The following DNAJC2 variants were observed in gnomAD, a reference collection of about 807,000 sequenced individuals.
The protein encoded by DNAJC2 is DnaJ heat shock protein family (Hsp40) member C2.
A neutral mutation model predicts 94.0 loss-of-function variants in DNAJC2; 32 were observed. The observed-to-expected ratio is 0.34, with a 90% CI of 0.26 to 0.46. DNAJC2 has a LOEUF of 0.46. DNAJC2 is among the 20% of genes least tolerant of loss of function. DNAJC2 has a pLI of 1.00. For missense variants in DNAJC2, 550 were observed against 719.5 expected (o/e 0.76, Z 2.69); for synonymous variants, 210 against 229.7 (o/e 0.91, Z 0.77).
At position 103,312,431 on chromosome 7, in the gene DNAJC2, A is replaced by G. The variant is rs896759899; in HGVS notation, c.*138T>C. On this transcript the variant is annotated 3_prime_UTR_variant, in exon 17 of 17. Coordinates refer to ENST00000379263, the MANE Select transcript of DNAJC2 (RefSeq NM_014377.3). ...CCCCTCTGAAGGTTGTTTTGTATTA[A>G]TGGTCAGTCTTTGTTCTCTGAGAAA... 17 of 1,513,034 alleles carry G rather than the reference A, an allele frequency of 1.1e-5. No homozygotes were observed. The African/African-American group carries it at 2.0e-4, about 18-fold the overall frequency. The allele number at this position is 1,513,034 out of a possible 1,614,324, so 93.7% of individuals were successfully genotyped here. A position where few individuals can be genotyped will look rare whatever the true frequency, so the allele number is the denominator to read the frequency against.
At chr7:103,331,883 G>A (rs1034688804) in intron 3 of DNAJC2, among the ~76,000 whole-genome samples, 5 of 152,138 alleles carry the variant, frequency 3.3e-5, no homozygotes, top group African/African-American at 1.2e-4. Flanking sequence ...TAGTGGGAAC[G>A]CTGGGCTATA....
chr7:103,322,933 A>AT (rs375301640), intron 7 of DNAJC2, 139 bp from the exon 8 acceptor site: 40,945 of 553,422 alleles, frequency 0.074, no homozygotes, highest in East Asian at 0.09. Flanking sequence ...TTAAACAATG[A>AT]TTTTTTTTTT....
intron 1 of DNAJC2, among the ~76,000 whole-genome samples, chr7:103,342,386 G>A (rs1375567927): frequency 2.0e-5 from 3 of 150,378 alleles, no homozygotes; most frequent in East Asian, 2.0e-4. Context: ...GCTCAATGCC[G>A]TCTCCACCTC....
chr7:103,332,645 G>A (rs1819021755), intron 3 of DNAJC2, among the ~76,000 whole-genome samples: 1 of 151,590 alleles, frequency 6.6e-6, no homozygotes, highest in African/African-American at 2.4e-5. Context: ...GCGGGGGAGG[G>A]GATGGGGACA....
chr7:103,334,360 G>A (rs1819085283), intron 3 of DNAJC2, among the ~76,000 whole-genome samples: 1 of 151,362 alleles, frequency 6.6e-6, no homozygotes, highest in African/African-American at 2.4e-5. Context: ...TCAGGAGTTC[G>A]AGACCAGCCT....
In DNAJC2 at chr7:103,338,209, G is replaced by T. The variant is rs190093250; in HGVS notation, c.256-398C>A. ...TACTTGAGTCTAGTAAGTAGAGGCT[G>T]CAGTGAGCTGTGATCATGCCACTGC... On this transcript the variant is annotated intron_variant, in intron 2 of 16. Transcript: ENST00000379263. Among the ~76,000 whole-genome samples, 194 of 151,790 alleles carry T rather than the reference G, an allele frequency of 1.3e-3. 3 individuals are homozygous for T. The highest frequency in any genetic ancestry group is 7.0e-3 in the Admixed American group (106 of 15,248).
At chr7:103,322,362 T>C (rs1038625938) in intron 9 of DNAJC2, 149 bp downstream of exon 9, 1 of 896,710 alleles carries the variant, frequency 1.1e-6, no homozygotes. Flanking sequence ...GATCTCTCAA[T>C]TATACCAACT....
At chr7:103,337,588 C>T (rs770656336) in intron 3 of DNAJC2, 148 bp downstream of exon 3, 75 of 596,128 alleles carry the variant, frequency 1.3e-4, no homozygotes, top group Non-Finnish European at 2.0e-4. Context: ...CAGGGGAGAC[C>T]GTGGTTTTTT....
rs1360389913 is a variant in DNAJC2 at position 103,327,712 on chromosome 7, G to A, written c.374C>T (p.Ala125Val). ...VLKHHPDKRK[A>V]AGEPIKEGDN... ...TCCTTCTTTTATTGGTTCACCAGCT[G>A]CTTTCCGTTTGTCTGGGTGATGTTT... The change falls in exon 4 of 17, where the codon GCA (alanine) becomes GTA (valine). Residue 125 changes from alanine to valine, a missense_variant. Physicochemically the swap from Ala to Val is moderately conservative, Grantham distance 64 (BLOSUM62 0). Transcript: ENST00000379263. 1 of 1,613,372 alleles carries A rather than the reference G, an allele frequency of 6.2e-7. No individual in the cohort carries two copies. The highest frequency in any genetic ancestry group is 1.3e-5 in the African/African-American group (1 of 74,868).
chr7:103,331,504 C>G (rs547551193), intron 3 of DNAJC2, among the ~76,000 whole-genome samples: 13 of 152,104 alleles, frequency 8.5e-5, no homozygotes, highest in Non-Finnish European at 1.9e-4. Context: ...CTCTTTATCC[C>G]TCTCCTCCCA....
chr7:103,316,156 A>G, intron 13 of DNAJC2, 68 bp from the exon 14 acceptor site: 2 of 1,020,248 alleles, frequency 2.0e-6, no homozygotes, highest in Middle Eastern at 3.2e-4. Context: ...GACAAAAACC[A>G]TTAGATTTTT....
At chr7:103,317,095 G>A in intron 12 of DNAJC2, 81 bp from the exon 13 acceptor site, 3 of 1,221,384 alleles carry the variant, frequency 2.5e-6, no homozygotes, top group Non-Finnish European at 2.3e-6. Context: ...GGGCTTTGTG[G>A]TCCTCAACTC....
intron 3 of DNAJC2, 71 bp from the exon 4 acceptor site, chr7:103,327,825 C>T: frequency 7.7e-6 from 7 of 904,788 alleles, no homozygotes; most frequent in Non-Finnish European, 1.0e-5. Context: ...TACATGTAGA[C>T]CATTTCTAAA....
intron 3 of DNAJC2, among the ~76,000 whole-genome samples, chr7:103,331,911 AT>A (rs1487500287): frequency 1.3e-5 from 2 of 152,058 alleles, no homozygotes; most frequent in Non-Finnish European, 2.9e-5. Flanking sequence ...TCTATTTTTA[AT>A]TTTTTGAGAA....
chr7:103,326,036 T>C (rs928660484), intron 5 of DNAJC2, among the ~76,000 whole-genome samples: 2 of 152,042 alleles, frequency 1.3e-5, no homozygotes, highest in African/African-American at 4.8e-5. Context: ...CTCAGTGTAG[T>C]GGCATGACCT....
chr7:103,338,590 C>T (rs1819263757), intron 2 of DNAJC2, among the ~76,000 whole-genome samples: 1 of 151,936 alleles, frequency 6.6e-6, no homozygotes, highest in Admixed American at 6.6e-5. Flanking sequence ...TGAGCCACTG[C>T]ACCCGGCCAA....
At chr7:103,337,930 G>A (rs1247299880) in intron 2 of DNAJC2, 119 bp from the exon 3 acceptor site, 2 of 713,304 alleles carry the variant, frequency 2.8e-6, no homozygotes, top group Non-Finnish European at 4.8e-6. Context: ...AGTCCAGTAA[G>A]AGGTTCTGTA....
chr7:103,337,699 A>C, intron 3 of DNAJC2, 37 bp downstream of exon 3: 1 of 1,512,362 alleles, frequency 6.6e-7, no homozygotes, highest in East Asian at 2.3e-5. Flanking sequence ...GTTCCTATAC[A>C]AGATATTTGA....
chr7:103,321,970 T>C lies in DNAJC2; in HGVS notation c.1045A>G (p.Ile349Val), dbSNP rs372358510. The change falls in exon 10 of 17, where the codon ATT (isoleucine) becomes GTT (valine). Residue 349 changes from isoleucine (I) to valine (V), a missense_variant. By Grantham distance (29) the Ile-to-Val change is conservative. Around this residue, in one of 2 missense-constraint regions of DNAJC2, gnomAD observed 279 missense variants for 416.9 expected, o/e 0.67. Transcript: ENST00000379263. ...CGAAGTTTTTGCCTTTCCTTCTTAA[T>C]GGCTTTTTTCTGGATATCTTTTTCC... ...KKEKDIQKKA[I>V]KKERQKLRNS... 101 of 1,613,846 alleles carry C rather than the reference T, an allele frequency of 6.3e-5. No homozygotes were observed. The African/African-American group carries it at 1.3e-3, about 20-fold the overall frequency.
Sources: allele counts gnomAD v4.1 joint callset (sites outside exome capture counted in the v4.1 genomes callset), GRCh38; gene constraint gnomAD v4.1.1; regional missense constraint gnomAD v4.1.1; transcripts MANE v1.5; gene names NCBI Gene and HGNC (gene_info 2026-07-23, HGNC 2026-07-21).